The following IFIT1 variants were observed in gnomAD, a reference collection of about 807,000 sequenced individuals.
IFIT1 encodes the protein interferon induced protein with tetratricopeptide repeats 1.
Under a neutral mutation model 2.5 loss-of-function variants are expected in IFIT1, and 1 was observed. The ratio of observed to expected loss-of-function variants is 0.40; its 90% CI spans 0.14 to 1.92. IFIT1 has a LOEUF of 1.92. Among genes scored for constraint, IFIT1 ranks in the 40% most tolerant of loss-of-function variants. The pLI, the probability that IFIT1 is intolerant of heterozygous loss-of-function variation, is 0.31. For synonymous variants in IFIT1, 191 were observed against 201.7 expected (o/e 0.95, Z 0.45); for missense variants, 508 against 557.8 (o/e 0.91, Z 0.90).
intron 1 of IFIT1, among the ~76,000 whole-genome samples, chr10:89,399,997 G>C (rs80030105): frequency 1.3e-5 from 2 of 152,262 alleles, no homozygotes; most frequent in Non-Finnish European, 1.5e-5. Context: ...TTCTAGCCTC[G>C]AGAACTGTAA....
rs201610844 is a variant in IFIT1, at chr10:89,403,567, G to A, written c.1292G>A (p.Arg431Gln). The part of the protein sequence containing the change: ...SLKKLVLRKL[R>Q]RKALDLESLS... Reference sequence around the variant, plus strand: ...AAGAAATTGGTTTTAAGGAAACTTCGGAGAAAGGCATTAGATCTGGAAAGC... The same window carrying A: ...AAGAAATTGGTTTTAAGGAAACTTCAGAGAAAGGCATTAGATCTGGAAAGC... Residue 431 changes from arginine to glutamine, a missense_variant, in exon 2 of 2, where the codon CGG becomes CAG. Transcript: ENST00000371804. 113 of 1,613,892 alleles carry A rather than the reference G, an allele frequency of 7.0e-5. No individual in the cohort carries two copies. The highest frequency in any genetic ancestry group is 8.3e-5 in the Non-Finnish European group (98 of 1,179,960).
chr10:89,398,919 T>G lies in IFIT1; in HGVS notation c.6-3362T>G, dbSNP rs952884726. On this transcript the variant is annotated intron_variant, in intron 1 of 1. Coordinates refer to ENST00000371804, the MANE Select transcript of IFIT1 (RefSeq NM_001548.5). ...AAAGTGGAATTGCTGGATCAAATGG[T>G]AATTCTATGGTTAATTTTTCTGAGG... 5.9e-5 allele frequency among the ~76,000 whole-genome samples: 9 copies of G among 152,342 alleles called. No homozygotes were observed. The South Asian group carries it at 1.9e-3, about 32-fold the overall frequency.
chr10:89,403,101 A>C lies in IFIT1; in HGVS notation c.826A>C (p.Lys276Gln). 6.2e-7 allele frequency: 1 copy of C among 1,614,220 alleles called. No individual in the cohort carries two copies. The change falls in exon 2 of 2, where the codon AAG (lysine) becomes CAG (glutamine). Residue 276 changes from lysine to glutamine, a missense_variant. Transcript: ENST00000371804. ...SVDKALELLK[K>Q]ALQETPTSVL... ...GGATAAAGCTCTTGAGTTATTAAAA[A>C]AGGCCTTGCAGGAAACACCCACTTC...
intron 1 of IFIT1, among the ~76,000 whole-genome samples, chr10:89,401,054 A>G (rs139097699): frequency 9.8e-4 from 149 of 151,376 alleles, no homozygotes; most frequent in African/African-American, 3.6e-3. Context: ...TTAATGTGGT[A>G]TATTACATTG....
At position 89,402,672 on chromosome 10, in the gene IFIT1, C is replaced by A; in HGVS notation, c.397C>A (p.Arg133Ser). ...NICKKLSNPF[R>S]YRMECPEIDC... Reference sequence around the variant, plus strand: ...TTGCAAGAAGCTTTCAAATCCCTTCCGCTATAGAATGGAGTGTCCAGAAAT... The same window carrying A: ...TTGCAAGAAGCTTTCAAATCCCTTCAGCTATAGAATGGAGTGTCCAGAAAT... The change falls in exon 2 of 2, where the codon CGC (arginine) becomes AGC (serine). Residue 133 changes from arginine (R) to serine (S), a missense_variant. Physicochemically the swap from Arg to Ser is moderately radical, Grantham distance 110. Coordinates refer to ENST00000371804, the MANE Select transcript of IFIT1 (RefSeq NM_001548.5). 6.2e-7 allele frequency: 1 copy of A among 1,614,180 alleles called. No individual in the cohort carries two copies.
rs1170582150 is a variant in IFIT1 at position 89,402,401 on chromosome 10, G to T, written c.126G>T (p.Gln42His). 6.2e-7 allele frequency: 1 copy of T among 1,614,130 alleles called. No individual in the cohort carries two copies. Among genetic ancestry groups the T allele is most frequent in the South Asian group, 1.1e-5 (1 of 91,074 alleles). ...MPDLENRVLD[Q>H]IEFLDTKYSV... ...ATTTAGAAAACAGAGTCTTGGATCA[G>T]ATTGAATTCCTAGACACCAAATACA... Residue 42 changes from glutamine (Q) to histidine (H), a missense_variant, in exon 2 of 2, where the codon CAG becomes CAT. Physicochemically the swap from Gln to His is conservative, Grantham distance 24. Transcript: ENST00000371804.
At chr10:89,402,196 G>A in intron 1 of IFIT1, 85 bp from the exon 2 acceptor site, 2 of 806,060 alleles carry the variant, frequency 2.5e-6, no homozygotes, top group South Asian at 1.7e-5. Context: ...TCAAGGATAA[G>A]CACTAAAATA....
At chr10:89,400,091 T>A (rs1326647970) in intron 1 of IFIT1, among the ~76,000 whole-genome samples, 1 of 152,232 alleles carries the variant, frequency 6.6e-6, no homozygotes, top group East Asian at 1.9e-4. Flanking sequence ...GTCAGATAAG[T>A]AAGGGTTTTT....
intron 1 of IFIT1, among the ~76,000 whole-genome samples, chr10:89,400,105 A>G (rs537437584): frequency 1.3e-5 from 2 of 152,304 alleles, no homozygotes; most frequent in South Asian, 4.1e-4. Flanking sequence ...GGTTTTTTTC[A>G]GGGCTTTCTA....
rs148081276 is a variant in IFIT1, at chr10:89,404,956, T to A, written c.*1244T>A. The A allele has an allele frequency of 3.2e-3, 480 of 147,866 alleles. 5 individuals carry two copies. The highest frequency in any genetic ancestry group is 0.011 in the African/African-American group (419 of 38,762). The allele number at this position is 147,866 out of a possible 1,614,324, so 9.2% of individuals were successfully genotyped here. Reference sequence around the variant, plus strand: ...TTCTGGATGATAGAACGAGACCCCATCTCAAAAAAAAAAAAAGTTCTCTCC... The same window carrying A: ...TTCTGGATGATAGAACGAGACCCCAACTCAAAAAAAAAAAAAGTTCTCTCC... On this transcript the variant is annotated 3_prime_UTR_variant, in exon 2 of 2. Coordinates refer to ENST00000371804, the MANE Select transcript of IFIT1 (RefSeq NM_001548.5).
chr10:89,405,924 C>T lies in IFIT1; in HGVS notation c.*2212C>T, dbSNP rs532655856. The T allele has an allele frequency of 6.6e-6, 1 of 152,116 alleles. No homozygotes were observed. The highest frequency in any genetic ancestry group is 1.5e-5 in the Non-Finnish European group (1 of 68,034). The allele number at this position is 152,116 out of a possible 1,614,324, so 9.4% of individuals were successfully genotyped here. A position where few individuals can be genotyped will look rare whatever the true frequency, so the allele number is the denominator to read the frequency against. Reference sequence around the variant, plus strand: ...GGGGCATTATTCTTACCACAGAGCACCCCAAGAAAATCTCCAAATTTTGGG... The same window carrying T: ...GGGGCATTATTCTTACCACAGAGCATCCCAAGAAAATCTCCAAATTTTGGG... On this transcript the variant is annotated 3_prime_UTR_variant, in exon 2 of 2. Transcript: ENST00000371804.
chr10:89,402,729 T>G lies in IFIT1; in HGVS notation c.454T>G (p.Cys152Gly). The change falls in exon 2 of 2, where the codon TGT (cysteine) becomes GGT (glycine). Residue 152 changes from cysteine (C) to glycine (G), a missense_variant. Physicochemically the swap from Cys to Gly is radical, Grantham distance 159. Coordinates refer to ENST00000371804, the MANE Select transcript of IFIT1 (RefSeq NM_001548.5). ...DCEEGWALLK[C>G]GGKNYERAKA... Reference sequence around the variant, plus strand: ...TGAGGAAGGATGGGCCTTGCTGAAGTGTGGAGGAAAAAATTATGAACGGGC... The same window carrying G: ...TGAGGAAGGATGGGCCTTGCTGAAGGGTGGAGGAAAAAATTATGAACGGGC... The G allele has an allele frequency of 6.2e-7, 1 of 1,614,078 alleles. No individual in the cohort carries two copies. The highest frequency in any genetic ancestry group is 8.5e-7 in the Non-Finnish European group (1 of 1,179,996).
rs771929861 is a variant in IFIT1 at position 89,402,386 on chromosome 10, C to T, written c.111C>T (p.Asn37=). The change falls in exon 2 of 2, where the codon AAC becomes AAT. Residue 37 remains asparagine (N), a synonymous_variant. Transcript: ENST00000371804. The part of the protein sequence containing the change: ...IDDDEMPDLE[N]RVLDQIEFLD... ...ACGATGAAATGCCTGATTTAGAAAA[C>T]AGAGTCTTGGATCAGATTGAATTCC... is the stretch of plus-strand genomic sequence containing the variant. 1 of 1,614,140 alleles carries T rather than the reference C, an allele frequency of 6.2e-7. No individual in the cohort carries two copies. Among genetic ancestry groups the T allele is most frequent in the Non-Finnish European group, 8.5e-7 (1 of 1,179,972 alleles).
Position 89,392,636 on chromosome 10 carries a change from C to T in IFIT1, c.-77C>T. ...GGGTTTAAACGTAACTGAAAATCCA[C>T]AAGACAGAATAGCCAGATCTCAGAG... On this transcript the variant is annotated 5_prime_UTR_variant, in exon 1 of 2. Coordinates refer to ENST00000371804, the MANE Select transcript of IFIT1 (RefSeq NM_001548.5). 1.3e-6 allele frequency: 2 copies of T among 1,537,422 alleles called. No individual in the cohort carries two copies. Among genetic ancestry groups the T allele is most frequent in the Non-Finnish European group, 1.8e-6 (2 of 1,110,808 alleles).
intron 1 of IFIT1, among the ~76,000 whole-genome samples, chr10:89,398,946 A>C (rs1844382968): frequency 6.6e-6 from 1 of 152,142 alleles, no homozygotes; most frequent in South Asian, 2.1e-4. Flanking sequence ...TTTCTGAGGA[A>C]TTACCATACC....
At chr10:89,394,628 A>ATATATATATAT (rs1491430146) in intron 1 of IFIT1, among the ~76,000 whole-genome samples, 9 of 28,144 alleles carry the variant, frequency 3.2e-4, no homozygotes, top group Non-Finnish European at 4.0e-4. Flanking sequence ...ATATATATAT[A>ATATATATATAT]AAACTTGAAT....
At chr10:89,394,624 AT>A in intron 1 of IFIT1, among the ~76,000 whole-genome samples, 1 of 25,262 alleles carries the variant, frequency 4.0e-5, no homozygotes, top group Non-Finnish European at 6.2e-5. Context: ...ATATATATAT[AT>A]ATAAAACTTG....
chr10:89,403,066 A>G lies in IFIT1; in HGVS notation c.791A>G (p.Lys264Arg), dbSNP rs757258474. The change falls in exon 2 of 2, where the codon AAA becomes AGA. Residue 264 changes from lysine (K) to arginine (R), a missense_variant. Lys to Arg is a conservative substitution (Grantham distance 26). Coordinates refer to ENST00000371804, the MANE Select transcript of IFIT1 (RefSeq NM_001548.5). Reference sequence around the variant, plus strand: ...TATGCAGCCAAGTTTTACCGAAGAAAAGGCTCTGTGGATAAAGCTCTTGAG... The same window carrying G: ...TATGCAGCCAAGTTTTACCGAAGAAGAGGCTCTGTGGATAAAGCTCTTGAG... ...FRYAAKFYRR[K>R]GSVDKALELL... 2.5e-6 allele frequency: 4 copies of G among 1,614,138 alleles called. No homozygotes were observed. The African/African-American group carries it at 4.0e-5, about 16-fold the overall frequency.
chr10:89,403,134 C>T lies in IFIT1; in HGVS notation c.859C>T (p.Leu287=), dbSNP rs138517255. ...ALQETPTSVL[L]HHQIGLCYKA... ...GCAGGAAACACCCACTTCTGTCTTA[C>T]TGCATCACCAGATAGGGCTTTGCTA... The change falls in exon 2 of 2, where the codon CTG becomes TTG. Residue 287 remains leucine (L), a synonymous_variant. Coordinates refer to ENST00000371804, the MANE Select transcript of IFIT1 (RefSeq NM_001548.5). The T allele has an allele frequency of 2.2e-5, 35 of 1,613,976 alleles. No homozygotes were observed. The highest frequency in any genetic ancestry group is 2.5e-6 in the Non-Finnish European group (3 of 1,179,986).
Sources: allele counts gnomAD v4.1 joint callset (sites outside exome capture counted in the v4.1 genomes callset), GRCh38; gene constraint gnomAD v4.1.1; transcripts MANE v1.5; gene names NCBI Gene and HGNC (gene_info 2026-07-23, HGNC 2026-07-21).